RAB11FIP3: variants seen among roughly 807,000 people sequenced by gnomAD.
RAB11FIP3 encodes the protein RAB11 family interacting protein 3, also known as rab11 family-interacting protein 3.
Under a neutral mutation model 77.8 loss-of-function variants are expected in RAB11FIP3, and 17 were observed. That is an observed-to-expected ratio of 0.22 (90% CI 0.15 to 0.33). The LOEUF (loss-of-function observed/expected upper bound fraction) is 0.33, where lower values mean the gene tolerates loss of function less well. Among genes scored for constraint, RAB11FIP3 ranks in the 10% least tolerant of loss-of-function variants. RAB11FIP3 has a pLI of 1.00. For missense variants in RAB11FIP3, 1,005 were observed against 1,011.2 expected (o/e 0.99, Z 0.08); for synonymous variants, 437 against 448.2 (o/e 0.98, Z 0.31).
At chr16:430,133 T>G (rs1183651071) in intron 1 of RAB11FIP3, among the ~76,000 whole-genome samples, 1 of 152,110 alleles carries the variant, frequency 6.6e-6, no homozygotes, top group African/African-American at 2.4e-5. Flanking sequence ...TGTCCAGGAA[T>G]TAGGTATGAA....
At chr16:502,422 C>A (rs529741706) in intron 6 of RAB11FIP3, among the ~76,000 whole-genome samples, 1 of 152,280 alleles carries the variant, frequency 6.6e-6, no homozygotes, top group East Asian at 1.9e-4. Flanking sequence ...ACAGAGGACA[C>A]GTGTGTCTGC....
intron 2 of RAB11FIP3, among the ~76,000 whole-genome samples, chr16:467,480 A>G (rs866084315): frequency 0.052 from 1,501 of 28,602 alleles, no homozygotes; most frequent in African/African-American, 0.11. Flanking sequence ...AGGTGCTGGG[A>G]CGTCAGGGAG....
chr16:512,732 C>T (rs998795791), intron 9 of RAB11FIP3, among the ~76,000 whole-genome samples: 7 of 151,110 alleles, frequency 4.6e-5, no homozygotes, highest in Non-Finnish European at 1.0e-4. Context: ...TTAGCAGAGA[C>T]GGGTTTCACC....
chr16:434,537 C>G (rs1012152266), intron 1 of RAB11FIP3, among the ~76,000 whole-genome samples: 1 of 152,284 alleles, frequency 6.6e-6, no homozygotes, highest in Non-Finnish European at 1.5e-5. Context: ...GGTGGTCCTC[C>G]CATCTCAGCC....
intron 6 of RAB11FIP3, among the ~76,000 whole-genome samples, chr16:502,317 C>G (rs2031579256): frequency 6.6e-6 from 1 of 152,240 alleles, no homozygotes; most frequent in Admixed American, 6.5e-5. Flanking sequence ...GCCTTTGCGT[C>G]TACTCAGGAC....
chr16:433,897 C>T (rs1466963376), intron 1 of RAB11FIP3, among the ~76,000 whole-genome samples: 1 of 151,040 alleles, frequency 6.6e-6, no homozygotes, highest in African/African-American at 2.4e-5. Context: ...ATCTATATTA[C>T]ATTTTCTTTA....
rs2055604054 is a variant in RAB11FIP3 at position 461,474 on chromosome 16, G to A, written c.785G>A (p.Gly262Glu). The A allele has an allele frequency of 6.2e-7, 1 of 1,613,658 alleles. No individual in the cohort carries two copies. The highest frequency in any genetic ancestry group is 8.5e-7 in the Non-Finnish European group (1 of 1,179,962). Residue 262 changes from glycine to glutamate, a missense_variant, in exon 2 of 14, where the codon GGG becomes GAG. By Grantham distance (98) the Gly-to-Glu change is moderately conservative. This residue lies in a region of RAB11FIP3 where 466 missense variants were observed against 408.3 expected (regional missense o/e 1.14). Transcript: ENST00000262305. This position sits in a 1 kb window ranked among gnomAD's most constrained non-coding sequence, Gnocchi z 4.5. ...GVISFEDFYQ[G>E]ITAIRNGDPD... The stretch of plus-strand genomic sequence containing the variant: ...ATCAGCTTTGAAGACTTCTACCAAG[G>A]GATCACAGCCATCAGAAACGGAGGT...
In RAB11FIP3 at chr16:436,647, A is replaced by G. The variant is rs2055133123; in HGVS notation, c.714+9927A>G. Among the ~76,000 whole-genome samples, 3 of 152,054 alleles carry G rather than the reference A, an allele frequency of 2.0e-5. No individual in the cohort carries two copies. The South Asian group carries it at 6.2e-4, about 32-fold the overall frequency. On this transcript the variant is annotated intron_variant, in intron 1 of 13. Transcript: ENST00000262305. Reference sequence around the variant, plus strand: ...TAAATGCCTGCCAGCACACCCAGCTAACTTTTGTGTTTTTTGTAGAGGCGA... The same window carrying G: ...TAAATGCCTGCCAGCACACCCAGCTGACTTTTGTGTTTTTTGTAGAGGCGA...
chr16:491,105 C>T, intron 5 of RAB11FIP3: 1 of 1,287,606 alleles, frequency 7.8e-7, no homozygotes, highest in Non-Finnish European at 1.0e-6. Context: ...TCCTCATCCT[C>T]TCCTGAACGG....
In RAB11FIP3 at chr16:517,975, G is replaced by C. The variant is rs73481325; in HGVS notation, c.1641-968G>C. On this transcript the variant is annotated intron_variant, in intron 9 of 13. Transcript: ENST00000262305. ...CAGTCGCCTGTAGTCCCAGCTACTCGGGAGGCTGAGGCAGGAGAATGGCGT... is the reference window on the plus strand; with the variant it reads ...CAGTCGCCTGTAGTCCCAGCTACTCCGGAGGCTGAGGCAGGAGAATGGCGT... Among the ~76,000 whole-genome samples the C allele has an allele frequency of 0.027, 4,087 of 152,230 alleles. 371 individuals are homozygous for C. In the East Asian group the frequency reaches 0.35, roughly 13 times the overall value.
At position 506,211 on chromosome 16, in the gene RAB11FIP3, C is replaced by T. The variant is rs910100746; in HGVS notation, c.1499+584C>T. On this transcript the variant is annotated intron_variant, in intron 8 of 13. Transcript: ENST00000262305. This position sits in a 1 kb window ranked among gnomAD's most constrained non-coding sequence, Gnocchi z 4.5. ...TGGTTTGCAGACTTTTCTTAGAATA[C>T]CGTGTAATTCTCGGTGTTTTTCACA... Among the ~76,000 whole-genome samples, 5 of 152,044 alleles carry T rather than the reference C, an allele frequency of 3.3e-5. No homozygotes were observed. Among genetic ancestry groups the T allele is most frequent in the Admixed American group, 1.3e-4 (2 of 15,250 alleles).
chr16:473,112 T>C (rs1184863876), intron 3 of RAB11FIP3, among the ~76,000 whole-genome samples: 1 of 152,172 alleles, frequency 6.6e-6, no homozygotes, highest in Non-Finnish European at 1.5e-5. Context: ...CCGTGGTCTG[T>C]GCTAGTTCGT....
rs1284094023 is a variant in RAB11FIP3 at position 506,429 on chromosome 16, T to C, written c.1499+802T>C. Among the ~76,000 whole-genome samples the C allele has an allele frequency of 3.3e-5, 5 of 152,158 alleles. No homozygotes were observed. Among genetic ancestry groups the C allele is most frequent in the Non-Finnish European group, 7.4e-5 (5 of 68,014 alleles). On this transcript the variant is annotated intron_variant, in intron 8 of 13. Coordinates refer to ENST00000262305, the MANE Select transcript of RAB11FIP3 (RefSeq NM_014700.4). This position sits in a 1 kb window ranked among gnomAD's most constrained non-coding sequence, Gnocchi z 4.5. ...GGATCTGCAGAAGAGGTTCTTCCTG[T>C]GAGCTTCTGTCCCTGCCCAGCTGCG...
intron 9 of RAB11FIP3, among the ~76,000 whole-genome samples, chr16:515,687 G>C (rs1246583678): frequency 5.5e-5 from 8 of 144,858 alleles, no homozygotes; most frequent in African/African-American, 2.1e-4. Context: ...AGCCACACGG[G>C]CGACACGCAC....
At chr16:481,629 C>G (rs1418163028) in intron 3 of RAB11FIP3, among the ~76,000 whole-genome samples, 1 of 56,618 alleles carries the variant, frequency 1.8e-5, no homozygotes. Flanking sequence ...TCTTGAGTAG[C>G]TGGGACCTAC....
rs561861814 is a variant in RAB11FIP3 at position 505,754 on chromosome 16, G to A, written c.1499+127G>A. Reference sequence around the variant, plus strand: ...CACCCGTCCATCCCCGTTGGAAGCCGGCTGAGGGGGTGGTGCCAGGTGGTC... The same window carrying A: ...CACCCGTCCATCCCCGTTGGAAGCCAGCTGAGGGGGTGGTGCCAGGTGGTC... On this transcript the variant is annotated intron_variant, in intron 8 of 13. Coordinates refer to ENST00000262305, the MANE Select transcript of RAB11FIP3 (RefSeq NM_014700.4). The surrounding 1 kb of genome is among the most constrained non-coding windows in gnomAD (Gnocchi z 4.0). 183 of 805,220 alleles carry A rather than the reference G, an allele frequency of 2.3e-4. No individual in the cohort carries two copies. The highest frequency in any genetic ancestry group is 3.0e-4 in the East Asian group (11 of 36,740). 49.9% of individuals were successfully genotyped at this position (805,220 alleles called of 1,614,324 possible). A position where few individuals can be genotyped will look rare whatever the true frequency, so the allele number is the denominator to read the frequency against.
intron 8 of RAB11FIP3, among the ~76,000 whole-genome samples, chr16:508,821 T>A (rs1596295410): frequency 1.3e-5 from 2 of 152,294 alleles, no homozygotes; most frequent in South Asian, 4.1e-4. Flanking sequence ...TCTCCTTTTT[T>A]AAACTTTCCT....
At chr16:487,906 G>A (rs1004187100) in intron 4 of RAB11FIP3, among the ~76,000 whole-genome samples, 4 of 152,166 alleles carry the variant, frequency 2.6e-5, no homozygotes, top group African/African-American at 4.8e-5. Context: ...GGTTGTGTGA[G>A]GACAGCAGCT....
intron 9 of RAB11FIP3, among the ~76,000 whole-genome samples, chr16:517,393 C>A (rs985843506): frequency 6.6e-6 from 1 of 152,008 alleles, no homozygotes; most frequent in African/African-American, 2.4e-5. Flanking sequence ...CACAGCAAGA[C>A]CTTGTCTCTG....
Sources: gnomAD v4.1 joint callset for allele counts (sites outside exome capture counted in the v4.1 genomes callset) on GRCh38, gnomAD v4.1.1 for gene constraint, gnomAD v4.1.1 regional missense constraint, Gnocchi (gnomAD v3.1) non-coding constraint, MANE v1.5 for transcripts, NCBI Gene and HGNC (gene_info 2026-07-23, HGNC 2026-07-21) for gene names.